NRROS: variants seen among roughly 807,000 people sequenced by gnomAD.
NRROS encodes negative regulator of reactive oxygen species, also known as transforming growth factor beta activator LRRC33.
A neutral mutation model predicts 12.0 loss-of-function variants in NRROS; 6 were observed. The ratio of observed to expected loss-of-function variants is 0.50; its 90% CI spans 0.27 to 0.98. The LOEUF is 0.98. Among genes scored for constraint, NRROS ranks in the 50% least tolerant of loss-of-function variants. NRROS has a pLI of 0.11. For synonymous variants in NRROS, 462 were observed against 410.2 expected (o/e 1.13, Z -1.53); for missense variants, 857 against 888.2 (o/e 0.96, Z 0.45).
chr3:196,649,714 C>T lies in NRROS; in HGVS notation c.-13-4813C>T, dbSNP rs983560280. ...TCTCGATCTCCTGACCTCGTGATCA[C>T]CCGCCTCGGCCTCCCAAAGTGCTGG... On this transcript the variant is annotated intron_variant, in intron 1 of 2. Coordinates refer to ENST00000328557, the MANE Select transcript of NRROS (RefSeq NM_198565.3). Among the ~76,000 whole-genome samples, 5 of 152,222 alleles carry T rather than the reference C, an allele frequency of 3.3e-5. No individual in the cohort carries two copies. In the East Asian group the frequency reaches 5.8e-4, roughly 18 times the overall value.
chr3:196,654,476 C>A lies in NRROS; in HGVS notation c.-13-51C>A. 9.6e-7 allele frequency: 1 copy of A among 1,046,880 alleles called. No individual in the cohort carries two copies. Among genetic ancestry groups the A allele is most frequent in the Non-Finnish European group, 1.5e-6 (1 of 661,860 alleles). The allele number at this position is 1,046,880 out of a possible 1,614,324, so 64.8% of individuals were successfully genotyped here. A position where few individuals can be genotyped will look rare whatever the true frequency, so the allele number is the denominator to read the frequency against. On this transcript the variant is annotated intron_variant, in intron 1 of 2. Transcript: ENST00000328557. The surrounding 1 kb of genome is among the most constrained non-coding windows in gnomAD (Gnocchi z 4.4). ...TCCTTCTGCCGATAATACAAACAGC[C>A]CTCTGGGATGTCCTTCTCTGACTTA...
At position 196,661,089 on chromosome 3, in the gene NRROS, C is replaced by G; in HGVS notation, c.1446C>G (p.Phe482Leu). The change falls in exon 3 of 3, where the codon TTC becomes TTG. Residue 482 changes from phenylalanine to leucine, a missense_variant. Coordinates refer to ENST00000328557, the MANE Select transcript of NRROS (RefSeq NM_198565.3). ...TGGGGGCATTGCCAGACTGCCCATT[C>G]CAAGGGACCTCCCTGACCTACTTAG... ...CGLGALPDCP[F>L]QGTSLTYLDL... 6.2e-7 allele frequency: 1 copy of G among 1,614,142 alleles called. No homozygotes were observed. Among genetic ancestry groups the G allele is most frequent in the Non-Finnish European group, 8.5e-7 (1 of 1,180,022 alleles).
At position 196,660,466 on chromosome 3, in the gene NRROS, C is replaced by T. The variant is rs758794429; in HGVS notation, c.823C>T (p.Arg275Trp). The change falls in exon 3 of 3, where the codon CGG (arginine) becomes TGG (tryptophan). Residue 275 changes from arginine to tryptophan, a missense_variant. Coordinates refer to ENST00000328557, the MANE Select transcript of NRROS (RefSeq NM_198565.3). The surrounding 1 kb of genome is among the most constrained non-coding windows in gnomAD (Gnocchi z 7.7). Reference protein sequence around the residue: ...FPLLPQYSKLRTLLLRDNNMG... With the variant: ...FPLLPQYSKLWTLLLRDNNMG... Reference sequence around the variant, plus strand: ...GCTGCTGCCCCAGTACAGCAAGTTGCGGACCCTCCTGCTGCGCGACAACAA... The same window carrying T: ...GCTGCTGCCCCAGTACAGCAAGTTGTGGACCCTCCTGCTGCGCGACAACAA... 1 of 1,614,072 alleles carries T rather than the reference C, an allele frequency of 6.2e-7. No homozygotes were observed. Among genetic ancestry groups the T allele is most frequent in the East Asian group, 2.2e-5 (1 of 44,876 alleles).
chr3:196,660,752 G>A lies in NRROS; in HGVS notation c.1109G>A (p.Arg370Gln), dbSNP rs769570043. 12 of 1,613,796 alleles carry A rather than the reference G, an allele frequency of 7.4e-6. No homozygotes were observed. The East Asian group carries it at 1.3e-4, about 18-fold the overall frequency. ...AATTGCCTGATGACGCTTCACATTC[G>A]GGAGCACGAGCCCCCCGGAGCGCTC... Reference protein sequence around the residue: ...HQNCLMTLHIREHEPPGALTE... With the variant: ...HQNCLMTLHIQEHEPPGALTE... Residue 370 changes from arginine (R) to glutamine (Q), a missense_variant, in exon 3 of 3, where the codon CGG becomes CAG. Arg to Gln is a conservative substitution (Grantham distance 43, BLOSUM62 1). Transcript: ENST00000328557. This position sits in a 1 kb window ranked among gnomAD's most constrained non-coding sequence, Gnocchi z 7.7.
intron 1 of NRROS, among the ~76,000 whole-genome samples, chr3:196,649,511 G>T (rs377617227): frequency 2.0e-5 from 3 of 151,952 alleles, no homozygotes; most frequent in East Asian, 3.9e-4. Flanking sequence ...TCGCTCTGTC[G>T]CCCAGGCTGG....
chr3:196,658,878 G>C (rs955205601), intron 2 of NRROS, among the ~76,000 whole-genome samples: 1 of 152,116 alleles, frequency 6.6e-6, no homozygotes, highest in African/African-American at 2.4e-5. Context: ...GCTGAAACAG[G>C]AGAATTGCTC....
At chr3:196,645,162 T>TGAATGA (rs1737284457) in intron 1 of NRROS, among the ~76,000 whole-genome samples, 2 of 152,308 alleles carry the variant, frequency 1.3e-5, no homozygotes, top group South Asian at 4.1e-4. Context: ...ATTACTGGGT[T>TGAATGA]ATTGCTCCAC....
Position 196,661,172 on chromosome 3 carries a change from C to A in NRROS, c.1529C>A (p.Ala510Asp). ...AGCCTCGCCCCACTCCAGGATGTTG[C>A]CCCCATGTTACAGGTCCTGTCTCTC... ...NGSLAPLQDV[A>D]PMLQVLSLRN... Residue 510 changes from alanine (A) to aspartate (D), a missense_variant, in exon 3 of 3, where the codon GCC (alanine) becomes GAC (aspartate). Physicochemically the swap from Ala to Asp is moderately radical, Grantham distance 126 (BLOSUM62 -2). Transcript: ENST00000328557. The A allele has an allele frequency of 1.2e-6, 2 of 1,612,642 alleles. No individual in the cohort carries two copies. The highest frequency in any genetic ancestry group is 1.7e-6 in the Non-Finnish European group (2 of 1,179,152).
In NRROS at chr3:196,654,896, G is replaced by A. The variant is rs894940172; in HGVS notation, c.108+249G>A. On this transcript the variant is annotated intron_variant, in intron 2 of 2. Coordinates refer to ENST00000328557, the MANE Select transcript of NRROS (RefSeq NM_198565.3). The surrounding 1 kb of genome is among the most constrained non-coding windows in gnomAD (Gnocchi z 4.4). ...CCTGCTGAGGATAGGAGGCATCCGA[G>A]ACCAGCCTAGGGCATCCTCCCGGAA... is the stretch of plus-strand genomic sequence containing the variant. 1.6e-5 allele frequency: 7 copies of A among 451,158 alleles called. No homozygotes were observed. In the Admixed American group the frequency reaches 1.9e-4, roughly 12 times the overall value. 27.9% of individuals were successfully genotyped at this position (451,158 alleles called of 1,614,324 possible). A position where few individuals can be genotyped will look rare whatever the true frequency, so the allele number is the denominator to read the frequency against.
At chr3:196,648,766 C>CAAAAAAAAAAA (rs34359599) in intron 1 of NRROS, among the ~76,000 whole-genome samples, 1 of 74,814 alleles carries the variant, frequency 1.3e-5, no homozygotes, top group Non-Finnish European at 2.4e-5. Flanking sequence ...AACTCCATCT[C>CAAAAAAAAAAA]AAAAAAAAAA....
At chr3:196,659,661 C>A in intron 2 of NRROS, 91 bp from the exon 3 acceptor site, 1 of 1,335,342 alleles carries the variant, frequency 7.5e-7, no homozygotes, top group Non-Finnish European at 1.0e-6. Flanking sequence ...CCGGCGGTTG[C>A]AGGGACAGTC....
Position 196,659,910 on chromosome 3 carries a change from CAG to C in NRROS, c.268_269del (p.Ser90LeufsTer116). The C allele has an allele frequency of 1.9e-6, 3 of 1,614,144 alleles. No homozygotes were observed. Among genetic ancestry groups the C allele is most frequent in the Non-Finnish European group, 2.5e-6 (3 of 1,180,006 alleles). Reference sequence around the variant, plus strand: ...CTCTCCTGGAGAGCCTCAGCCTGCACAGCTGCCACCTGGAGCGCATCAGCCGC... The same window carrying C: ...CTCTCCTGGAGAGCCTCAGCCTGCACCTGCCACCTGGAGCGCATCAGCCGC... Reference protein sequence around the residue: ...YPLLESLSLHSCHLERISRGA... With the variant: ...YPLLESLSLHXCHLERISRGA... On this transcript the variant is annotated frameshift_variant, in exon 3 of 3. Coordinates refer to ENST00000328557, the MANE Select transcript of NRROS (RefSeq NM_198565.3). LOFTEE classifies it low-confidence loss of function (END_TRUNC).
At chr3:196,652,794 C>T (rs559266694) in intron 1 of NRROS, among the ~76,000 whole-genome samples, 6 of 152,124 alleles carry the variant, frequency 3.9e-5, no homozygotes, top group South Asian at 2.1e-4. Context: ...TTCTTCGATA[C>T]GCAGGGCTGG....
In NRROS at chr3:196,644,290, T is replaced by G. The variant is rs545253415; in HGVS notation, c.-14+4415T>G. Among the ~76,000 whole-genome samples, 302 of 151,974 alleles carry G rather than the reference T, an allele frequency of 2.0e-3. 1 individual carries two copies. The highest frequency in any genetic ancestry group is 3.7e-3 in the Non-Finnish European group (252 of 67,960). On this transcript the variant is annotated intron_variant, in intron 1 of 2. Coordinates refer to ENST00000328557, the MANE Select transcript of NRROS (RefSeq NM_198565.3). Reference sequence around the variant, plus strand: ...ATCAGGCACCGCATGGCACAGCTACTTGGGAGGCTGAGGCAGGAGAATTGC... The same window carrying G: ...ATCAGGCACCGCATGGCACAGCTACGTGGGAGGCTGAGGCAGGAGAATTGC...
In NRROS at chr3:196,661,441, G is replaced by C. The variant is rs780771972; in HGVS notation, c.1798G>C (p.Gly600Arg). Residue 600 changes from glycine to arginine, a missense_variant, in exon 3 of 3, where the codon GGG (glycine) becomes CGG (arginine). By Grantham distance (125) the Gly-to-Arg change is moderately radical (BLOSUM62 -2). Transcript: ENST00000328557. ...YLSQNPYDCC[G>R]VDGWGALQHG... Reference sequence around the variant, plus strand: ...CAGTCAGAATCCATATGACTGCTGTGGGGTGGATGGCTGGGGGGCCCTGCA... The same window carrying C: ...CAGTCAGAATCCATATGACTGCTGTCGGGTGGATGGCTGGGGGGCCCTGCA... 6.3e-6 allele frequency: 10 copies of C among 1,591,182 alleles called. 1 individual carries two copies. Among genetic ancestry groups the C allele is most frequent in the Middle Eastern group, 1.7e-4 (1 of 5,958 alleles).
intron 1 of NRROS, among the ~76,000 whole-genome samples, chr3:196,653,103 C>G (rs60667153): frequency 0.01 from 1,596 of 152,216 alleles, 22 homozygotes; most frequent in African/African-American, 0.035. Flanking sequence ...AGGTCAGGAA[C>G]CCGTACACCT....
intron 1 of NRROS, among the ~76,000 whole-genome samples, chr3:196,642,820 C>T (rs150290303): frequency 9.9e-5 from 15 of 152,036 alleles, no homozygotes; most frequent in African/African-American, 3.4e-4. Flanking sequence ...CCCTGTAATC[C>T]CAGCACTTTG....
At chr3:196,653,201 C>T (rs1289048533) in intron 1 of NRROS, among the ~76,000 whole-genome samples, 5 of 152,096 alleles carry the variant, frequency 3.3e-5, no homozygotes, top group Non-Finnish European at 4.4e-5. Flanking sequence ...GAAGGGGATT[C>T]CCAGTGTCTG....
intron 1 of NRROS, among the ~76,000 whole-genome samples, chr3:196,646,876 C>T (rs1325263198): frequency 6.6e-6 from 1 of 152,220 alleles, no homozygotes; most frequent in Non-Finnish European, 1.5e-5. Context: ...CTTCGCCGAG[C>T]CGCCGCGTGC....
Sources: gnomAD v4.1 joint callset for allele counts (sites outside exome capture counted in the v4.1 genomes callset) on GRCh38, gnomAD v4.1.1 for gene constraint, Gnocchi (gnomAD v3.1) non-coding constraint, MANE v1.5 for transcripts, NCBI Gene and HGNC (gene_info 2026-07-23, HGNC 2026-07-21) for gene names.